The following P4HA3 variants were observed in gnomAD, a reference collection of about 807,000 sequenced individuals.
The protein encoded by P4HA3 is prolyl 4-hydroxylase subunit alpha 3, also known as prolyl 4-hydroxylase subunit alpha-3.
P4HA3 carries 60 observed loss-of-function variants against 66.7 expected under a neutral mutation model. The observed-to-expected ratio is 0.90, with a 90% CI of 0.73 to 1.12. The LOEUF is 1.12. Among genes scored for constraint, P4HA3 ranks in the 50% most tolerant of loss-of-function variants. P4HA3 has a pLI of 0.00. For synonymous variants in P4HA3, 263 were observed against 274.6 expected, an observed-to-expected ratio of 0.96 and a Z score of 0.42; for missense variants, 683 against 685.8, an observed-to-expected ratio of 1.00 and a Z score of 0.05.
chr11:74,298,245 A>T lies in P4HA3; in HGVS notation c.684T>A (p.Asp228Glu). The stretch of plus-strand genomic sequence containing the variant: ...AAGCAAAGGCCAAGTGATCCAAGGC[A>T]TCTTCTAGACTTGCCTCATCCTCTG... Reference protein sequence around the residue: ...WKTEDEASLEDALDHLAFAYF... With the variant: ...WKTEDEASLEEALDHLAFAYF... Residue 228 changes from aspartate to glutamate, a missense_variant, in exon 4 of 13, where the codon GAT becomes GAA. Transcript: ENST00000331597. 1 of 1,614,124 alleles carries T rather than the reference A, an allele frequency of 6.2e-7. No individual in the cohort carries two copies.
At chr11:74,263,630 G>A (rs1173282657), downstream of P4HA3, among the ~76,000 whole-genome samples, 1 of 152,142 alleles carries the variant, frequency 6.6e-6, no homozygotes, top group Non-Finnish European at 1.5e-5. Context: ...TCATTTTGAG[G>A]CTTGAAGGAG....
intron 1 of P4HA3, among the ~76,000 whole-genome samples, chr11:74,308,437 G>A (rs1359871223): frequency 1.3e-5 from 2 of 152,130 alleles, no homozygotes; most frequent in African/African-American, 4.8e-5. Flanking sequence ...TTACTTGGTA[G>A]GCTTAGGCAG....
At chr11:74,271,851 T>C (rs531128685) in intron 10 of P4HA3, among the ~76,000 whole-genome samples, 1 of 152,332 alleles carries the variant, frequency 6.6e-6, no homozygotes, top group East Asian at 1.9e-4. Context: ...GATGAAAGAC[T>C]TGGGCATAAT....
chr11:74,252,570 C>T (rs1859731045), intron 15 of P4HA3: 2 of 454,180 alleles, frequency 4.4e-6, no homozygotes, highest in South Asian at 3.1e-5. Flanking sequence ...GGGTTTTCAA[C>T]CTCAGCTTTA....
intron 1 of P4HA3, among the ~76,000 whole-genome samples, chr11:74,309,478 A>AC (rs1003101134): frequency 3.3e-5 from 5 of 151,876 alleles, no homozygotes; most frequent in African/African-American, 1.2e-4. Flanking sequence ...GGGGATTTTG[A>AC]CCCCCCACTC....
At position 74,273,564 on chromosome 11, in the gene P4HA3, A is replaced by C; in HGVS notation, c.1379T>G (p.Val460Gly). ...ACTCACATAGATCATAAATGTTGCA[A>C]CTCGGTTTCCTGACTTCATTCTGTA... ...PLYRMKSGNR[V>G]ATFMIYLSSV... The change falls in exon 10 of 13, where the codon GTT (valine) becomes GGT (glycine). Residue 460 changes from valine (V) to glycine (G), a missense_variant. Transcript: ENST00000331597. 2 of 1,559,172 alleles carry C rather than the reference A, an allele frequency of 1.3e-6. No individual in the cohort carries two copies. Among genetic ancestry groups the C allele is most frequent in the Non-Finnish European group, 1.7e-6 (2 of 1,155,126 alleles).
At chr11:74,258,469 A>T (rs1205679025) in intron 15 of P4HA3, among the ~76,000 whole-genome samples, 3 of 152,142 alleles carry the variant, frequency 2.0e-5, no homozygotes, top group Admixed American at 2.0e-4. Flanking sequence ...CACGTTTACA[A>T]CCTTTGAGAC....
intron 15 of P4HA3, chr11:74,251,444 A>G (rs78085477): frequency 0.017 from 23,569 of 1,417,708 alleles, 491 homozygotes; most frequent in African/African-American, 0.1. Context: ...CTTGAGCTCT[A>G]TGGAGCTATC....
intron 1 of P4HA3, among the ~76,000 whole-genome samples, chr11:74,308,173 G>T (rs1464571920): frequency 1.3e-5 from 2 of 152,032 alleles, no homozygotes; most frequent in Non-Finnish European, 2.9e-5. Flanking sequence ...ACCAGATTGG[G>T]AGTATAGAAA....
At position 74,302,584 on chromosome 11, in the gene P4HA3, C is replaced by G; in HGVS notation, c.352G>C (p.Asp118His). ...EASENIRALK[D>H]GYEKVEQDLP... ...TCTTGCTCCACCTTCTCATAGCCAT[C>G]CTTCAGAGCTGTAAAAGTAGTAAAA... Residue 118 changes from aspartate (D) to histidine (H), a missense_variant, in exon 3 of 13, where the codon GAT becomes CAT. By Grantham distance (81) the Asp-to-His change is moderately conservative. Transcript: ENST00000331597. 1 of 1,611,610 alleles carries G rather than the reference C, an allele frequency of 6.2e-7. No individual in the cohort carries two copies. The highest frequency in any genetic ancestry group is 8.5e-7 in the Non-Finnish European group (1 of 1,179,118).
At chr11:74,293,557 T>A (rs1387773167) in intron 4 of P4HA3, among the ~76,000 whole-genome samples, 5 of 152,204 alleles carry the variant, frequency 3.3e-5, no homozygotes, top group African/African-American at 9.6e-5. Context: ...GTCTTTACAA[T>A]TTGACATGTT....
chr11:74,287,206 C>G, intron 5 of P4HA3: 1 of 1,287,486 alleles, frequency 7.8e-7, no homozygotes, highest in Non-Finnish European at 1.0e-6. Flanking sequence ...CTCAATGCAT[C>G]TCAGAAGGAG....
chr11:74,289,466 TTAAG>T (rs1860928960), intron 4 of P4HA3, among the ~76,000 whole-genome samples: 1 of 152,164 alleles, frequency 6.6e-6, no homozygotes, highest in Non-Finnish European at 1.5e-5. Flanking sequence ...TTATTATACT[TTAAG>T]TTTTAGGGTA....
intron 4 of P4HA3, among the ~76,000 whole-genome samples, chr11:74,294,052 G>C (rs911823789): frequency 7.2e-5 from 11 of 152,280 alleles, no homozygotes; most frequent in African/African-American, 2.6e-4. Context: ...TTTCCAACTT[G>C]GTTCCATTCT....
chr11:74,295,031 C>T (rs541858724), intron 4 of P4HA3, among the ~76,000 whole-genome samples: 5 of 152,246 alleles, frequency 3.3e-5, no homozygotes, highest in East Asian at 1.9e-4. Flanking sequence ...AGCTGTAGAC[C>T]GGAGCTGTTC....
chr11:74,264,670 C>A (rs1358015988), downstream of P4HA3, among the ~76,000 whole-genome samples: 1 of 152,176 alleles, frequency 6.6e-6, no homozygotes, highest in Non-Finnish European at 1.5e-5. Flanking sequence ...CTCAACTATC[C>A]CAAATCCCAA....
chr11:74,304,213 C>T, intron 2 of P4HA3, 57 bp downstream of exon 2: 3 of 1,591,592 alleles, frequency 1.9e-6, no homozygotes, highest in East Asian at 2.2e-5. Flanking sequence ...TCTCTCCTTA[C>T]CACCGAGTCA....
intron 3 of P4HA3, among the ~76,000 whole-genome samples, chr11:74,301,198 C>T (rs1202340467): frequency 2.0e-5 from 3 of 151,814 alleles, no homozygotes; most frequent in Non-Finnish European, 4.4e-5. Flanking sequence ...ATATTCATTA[C>T]AATAATAGAT....
chr11:74,255,913 TCACCGGAA>T (rs1859820265), intron 15 of P4HA3: 1 of 515,544 alleles, frequency 1.9e-6, no homozygotes, highest in Non-Finnish European at 3.9e-6. Flanking sequence ...TTGATTTCTC[TCACCGGAA>T]CACTTTGCGG....
Sources: allele counts gnomAD v4.1 joint callset (sites outside exome capture counted in the v4.1 genomes callset), GRCh38; gene constraint gnomAD v4.1.1; transcripts MANE v1.5; gene names NCBI Gene and HGNC (gene_info 2026-07-23, HGNC 2026-07-21).